ST3GAL5: variants seen among roughly 807,000 people sequenced by gnomAD.
The protein encoded by ST3GAL5 is ST3 beta-galactoside alpha-2,3-sialyltransferase 5.
ST3GAL5 carries 25 observed loss-of-function variants against 46.1 expected under a neutral mutation model. That is an observed-to-expected ratio of 0.54 (90% CI 0.40 to 0.76). The LOEUF (loss-of-function observed/expected upper bound fraction) is 0.76, where lower values mean the gene tolerates loss of function less well. Among genes scored for constraint, ST3GAL5 ranks in the 30% least tolerant of loss-of-function variants. The pLI is 0.00. For missense variants in ST3GAL5, 431 were observed against 521.2 expected, an observed-to-expected ratio of 0.83 and a Z score of 1.69; for synonymous variants, 182 against 192.7, an observed-to-expected ratio of 0.94 and a Z score of 0.46.
chr2:85,864,479 G>A (rs1484039679), intron 1 of ST3GAL5, among the ~76,000 whole-genome samples: 2 of 151,690 alleles, frequency 1.3e-5, no homozygotes, highest in African/African-American at 4.8e-5. Flanking sequence ...TGGGAGATGG[G>A]TCTAGGGCTC....
chr2:85,886,691 G>A (rs1433740223), intron 1 of ST3GAL5, among the ~76,000 whole-genome samples: 1 of 152,134 alleles, frequency 6.6e-6, no homozygotes, highest in East Asian at 1.9e-4. Context: ...TAAGCTGGCT[G>A]TCTCCCGGGC....
rs570094305 is a variant in ST3GAL5 at position 85,838,224 on chromosome 2, G to C, written c.*1920C>G. 33 of 152,300 alleles carry C rather than the reference G, an allele frequency of 2.2e-4. No homozygotes were observed. Among genetic ancestry groups the C allele is most frequent in the African/African-American group, 7.7e-4 (32 of 41,528 alleles). 9.4% of individuals were successfully genotyped at this position (152,300 alleles called of 1,614,324 possible). A position where few individuals can be genotyped will look rare whatever the true frequency, so the allele number is the denominator to read the frequency against. ...CTTACAGGGAGGAGGGATGGGGATGGGAGCAGGCCTGAGAATGGCTGCAAG... is the reference window on the plus strand; with the variant it reads ...CTTACAGGGAGGAGGGATGGGGATGCGAGCAGGCCTGAGAATGGCTGCAAG... On this transcript the variant is annotated 3_prime_UTR_variant, in exon 7 of 7. Transcript: ENST00000638572.
chr2:85,858,307 C>G (rs902722340), intron 3 of ST3GAL5: 1 of 152,394 alleles, frequency 6.6e-6, no homozygotes, highest in Non-Finnish European at 1.5e-5. Context: ...ATTCTACCTA[C>G]AGGACCCCTG....
chr2:85,872,391 T>C lies in ST3GAL5; in HGVS notation c.83-8906A>G, dbSNP rs1234148104. On this transcript the variant is annotated intron_variant, in intron 1 of 6. Transcript: ENST00000638572. Reference sequence around the variant, plus strand: ...TGAGGTCAGGAGTTCGAGATCAGCCTGGCCAACATGGTGAAACCCCATCTC... The same window carrying C: ...TGAGGTCAGGAGTTCGAGATCAGCCCGGCCAACATGGTGAAACCCCATCTC... 1.3e-5 allele frequency among the ~76,000 whole-genome samples: 2 copies of C among 152,110 alleles called. 1 individual carries two copies. The highest frequency in any genetic ancestry group is 4.8e-5 in the African/African-American group (2 of 41,410).
At chr2:85,887,634 C>T (rs554426576) in intron 1 of ST3GAL5, 1 of 152,202 alleles carries the variant, frequency 6.6e-6, no homozygotes, top group African/African-American at 2.4e-5. Flanking sequence ...AGACACTCCT[C>T]GAAGCTGTCA....
In ST3GAL5 at chr2:85,853,169, G is replaced by A. The variant is rs368274972; in HGVS notation, c.319-4965C>T. On this transcript the variant is annotated intron_variant, in intron 3 of 6. Coordinates refer to ENST00000638572, the MANE Select transcript of ST3GAL5 (RefSeq NM_003896.4). The stretch of plus-strand genomic sequence containing the variant: ...AGCCCAAACCGAAACTGACATCAAC[G>A]TGCCCTCGTCTCTCTTAAAACATCT... 34 of 994,476 alleles carry A rather than the reference G, an allele frequency of 3.4e-5. 2 individuals are homozygous for A. In the African/African-American group the frequency reaches 4.9e-4, roughly 14 times the overall value. The allele number at this position is 994,476 out of a possible 1,614,324, so 61.6% of individuals were successfully genotyped here.
Position 85,863,281 on chromosome 2 carries a change from G to A in ST3GAL5, c.206+81C>T, listed in dbSNP as rs1461728452. ...GCCTCTCCAACATTAGCCATCTTGAGGGCTCTCACTGAATTTTTCTCCTAG... is the reference window on the plus strand; with the variant it reads ...GCCTCTCCAACATTAGCCATCTTGAAGGCTCTCACTGAATTTTTCTCCTAG... On this transcript the variant is annotated intron_variant, in intron 2 of 6. Transcript: ENST00000638572. 4 of 1,608,884 alleles carry A rather than the reference G, an allele frequency of 2.5e-6. No homozygotes were observed. The East Asian group carries it at 8.9e-5, about 36-fold the overall frequency.
intron 1 of ST3GAL5, among the ~76,000 whole-genome samples, chr2:85,876,538 C>A (rs533031633): frequency 6.6e-6 from 1 of 150,680 alleles, no homozygotes; most frequent in Admixed American, 6.6e-5. Context: ...ATCTCGGCGC[C>A]GCAACCTCCG....
intron 3 of ST3GAL5, chr2:85,851,286 C>G: frequency 8.8e-7 from 1 of 1,135,992 alleles, no homozygotes; most frequent in Non-Finnish European, 1.1e-6. Context: ...ACCCCTCCTG[C>G]GCCTAAGTGA....
intron 4 of ST3GAL5, 40 bp downstream of exon 4, chr2:85,847,821 T>TA (rs761311429): frequency 1.2e-6 from 2 of 1,606,594 alleles, no homozygotes; most frequent in African/African-American, 2.7e-5. Context: ...ATAAAAACAA[T>TA]AAAAATAAGT....
chr2:85,848,253 A>C, intron 3 of ST3GAL5, 49 bp from the exon 4 acceptor site: 1 of 1,613,248 alleles, frequency 6.2e-7, no homozygotes, highest in South Asian at 1.1e-5. Context: ...TCCTGCATTA[A>C]AAATATACTC....
chr2:85,859,732 T>G (rs17026701), intron 3 of ST3GAL5, among the ~76,000 whole-genome samples: 9,760 of 152,276 alleles, frequency 0.064, 366 homozygotes, highest in East Asian at 0.12. Context: ...CAAATTAAAG[T>G]AGAAACGTAT....
chr2:85,877,354 C>G (rs542812166), intron 1 of ST3GAL5, among the ~76,000 whole-genome samples: 1 of 152,248 alleles, frequency 6.6e-6, no homozygotes, highest in African/African-American at 2.4e-5. Context: ...GTTCCTTTAG[C>G]CTTCTTTAAT....
chr2:85,874,413 C>A (rs754866500), intron 1 of ST3GAL5, among the ~76,000 whole-genome samples: 1 of 152,118 alleles, frequency 6.6e-6, no homozygotes, highest in Non-Finnish European at 1.5e-5. Flanking sequence ...CCGCTTCCAC[C>A]TATCTCACAC....
At chr2:85,883,357 T>C (rs1232624600) in intron 1 of ST3GAL5, among the ~76,000 whole-genome samples, 1 of 152,230 alleles carries the variant, frequency 6.6e-6, no homozygotes, top group Non-Finnish European at 1.5e-5. Flanking sequence ...GCCTCCACCA[T>C]GCAAGAAGTG....
intron 2 of ST3GAL5, among the ~76,000 whole-genome samples, chr2:85,861,814 G>A (rs1336773816): frequency 6.6e-6 from 1 of 150,822 alleles, no homozygotes; most frequent in African/African-American, 2.5e-5. Context: ...CTATTATATA[G>A]TTTAATACAC....
chr2:85,845,814 C>T (rs946202411), intron 5 of ST3GAL5: 1 of 154,802 alleles, frequency 6.5e-6, no homozygotes, highest in African/African-American at 2.4e-5. Flanking sequence ...AAATCTCCCA[C>T]TAGCTCCTAG....
intron 1 of ST3GAL5, among the ~76,000 whole-genome samples, chr2:85,883,898 GATGAC>G (rs922934364): frequency 5.3e-5 from 8 of 152,156 alleles, no homozygotes; most frequent in African/African-American, 1.9e-4. Flanking sequence ...CCAGGGAAGT[GATGAC>G]GGCACTGCCC....
intron 1 of ST3GAL5, among the ~76,000 whole-genome samples, chr2:85,881,407 G>A (rs1480093606): frequency 6.6e-6 from 1 of 152,148 alleles, no homozygotes; most frequent in Non-Finnish European, 1.5e-5. Context: ...ACAGTTTGAA[G>A]GGCTCAGAAA....
Sources: allele counts gnomAD v4.1 joint callset (sites outside exome capture counted in the v4.1 genomes callset), GRCh38; gene constraint gnomAD v4.1.1; transcripts MANE v1.5; gene names NCBI Gene and HGNC (gene_info 2026-07-23, HGNC 2026-07-21).